The following VTI1A variants were observed in gnomAD, a reference collection of about 807,000 sequenced individuals.
The protein encoded by VTI1A is vesicle transport through interaction with t-SNAREs 1A, also known as vesicle transport through interaction with t-SNAREs homolog 1A.
A neutral mutation model predicts 34.9 loss-of-function variants in VTI1A; 22 were observed. That is an observed-to-expected ratio of 0.63 (90% CI 0.45 to 0.90). VTI1A has a LOEUF of 0.90. VTI1A is among the 40% of genes least tolerant of loss of function. VTI1A has a pLI of 0.00. For missense variants in VTI1A, 268 were observed against 275.6 expected, an observed-to-expected ratio of 0.97 and a Z score of 0.20; for synonymous variants, 87 against 97.3, an observed-to-expected ratio of 0.89 and a Z score of 0.62.
At chr10:112,530,563 A>G (rs1211606669) in intron 4 of VTI1A, among the ~76,000 whole-genome samples, 1 of 152,200 alleles carries the variant, frequency 6.6e-6, no homozygotes, top group Non-Finnish European at 1.5e-5. Context: ...ATGCAGAATT[A>G]TATTGATCAG....
At chr10:112,833,574 A>G in the VTI1A span, among the ~76,000 whole-genome samples, 2 of 152,276 alleles carry the variant, frequency 1.3e-5, no homozygotes, top group Admixed American at 6.5e-5. Flanking sequence ...ATGATACTCT[A>G]TGATCTCTAC....
chr10:112,750,473 C>T (rs78444351), intron 7 of VTI1A, among the ~76,000 whole-genome samples: 3,783 of 152,232 alleles, frequency 0.025, 78 homozygotes, highest in Non-Finnish European at 0.039. Flanking sequence ...TCTTCAGCCT[C>T]CCAAAGTGCT....
At chr10:112,471,682 T>TA (rs937285020) in intron 3 of VTI1A, among the ~76,000 whole-genome samples, 10 of 150,314 alleles carry the variant, frequency 6.7e-5, no homozygotes, top group African/African-American at 1.9e-4. Context: ...AAACAACTTT[T>TA]AAAAAAAAAA....
chr10:112,638,696 A>G (rs1396054540), intron 5 of VTI1A, among the ~76,000 whole-genome samples: 1 of 150,310 alleles, frequency 6.7e-6, no homozygotes, highest in African/African-American at 2.4e-5. Flanking sequence ...GCACAAATGT[A>G]TTTCACCCAA....
intron 7 of VTI1A, among the ~76,000 whole-genome samples, chr10:112,688,254 A>G (rs1250394447): frequency 6.6e-6 from 1 of 151,806 alleles, no homozygotes; most frequent in Non-Finnish European, 1.5e-5. Flanking sequence ...ATGCCTGGCC[A>G]AGTCTTTTTC....
the VTI1A span, among the ~76,000 whole-genome samples, chr10:112,830,849 A>ATATATATATATATATTTTTT: frequency 2.4e-4 from 8 of 33,492 alleles, no homozygotes; most frequent in Non-Finnish European, 3.9e-4. Flanking sequence ...ATATATATAT[A>ATATATATATATATATTTTTT]TTTTTTTTTT....
intron 5 of VTI1A, among the ~76,000 whole-genome samples, chr10:112,540,689 C>T (rs1850832279): frequency 1.3e-5 from 2 of 152,154 alleles, no homozygotes; most frequent in African/African-American, 4.8e-5. Flanking sequence ...TTCCTGCTTC[C>T]CTACTGGTCC....
intron 7 of VTI1A, among the ~76,000 whole-genome samples, chr10:112,725,970 A>C (rs1564900882): frequency 6.6e-6 from 1 of 152,206 alleles, no homozygotes; most frequent in Non-Finnish European, 1.5e-5. Context: ...CCAAACCTGG[A>C]AGCAACTATT....
the VTI1A span, among the ~76,000 whole-genome samples, chr10:112,853,073 C>T: frequency 6.6e-5 from 10 of 152,158 alleles, no homozygotes; most frequent in South Asian, 2.1e-4. Context: ...CATGAGCCAC[C>T]GCGCCCGGCC....
chr10:112,620,598 C>T (rs1477606180), intron 5 of VTI1A, among the ~76,000 whole-genome samples: 2 of 152,038 alleles, frequency 1.3e-5, no homozygotes, highest in African/African-American at 2.4e-5. Flanking sequence ...CGAGACCAGC[C>T]TGACCAACAA....
chr10:112,716,739 T>G (rs1849625821), intron 7 of VTI1A, among the ~76,000 whole-genome samples: 1 of 152,210 alleles, frequency 6.6e-6, no homozygotes. Context: ...TTCTGATTTT[T>G]GGATTAGAGA....
At chr10:112,762,785 C>T (rs1186101377) in intron 7 of VTI1A, among the ~76,000 whole-genome samples, 2 of 152,166 alleles carry the variant, frequency 1.3e-5, no homozygotes, top group Non-Finnish European at 2.9e-5. Flanking sequence ...TACTTTCCCT[C>T]CCAGCTACTT....
At chr10:112,507,859 T>G (rs2134171259) in intron 3 of VTI1A, among the ~76,000 whole-genome samples, 1 of 152,314 alleles carries the variant, frequency 6.6e-6, no homozygotes, top group East Asian at 1.9e-4. Flanking sequence ...TTTGGCTGGT[T>G]TCTTCTTACT....
At chr10:112,831,575 GA>G in the VTI1A span, 1 of 152,164 alleles carries the variant, frequency 6.6e-6, no homozygotes, top group Non-Finnish European at 1.5e-5. Context: ...GTAGCACAAT[GA>G]ATTTGTACCC....
chr10:112,463,317 T>C (rs987248768), intron 2 of VTI1A, among the ~76,000 whole-genome samples: 2 of 152,228 alleles, frequency 1.3e-5, no homozygotes, highest in South Asian at 2.1e-4. Flanking sequence ...GCAATCATCG[T>C]TACTAGAGTT....
chr10:112,803,193 C>G (rs1285862870), intron 7 of VTI1A, among the ~76,000 whole-genome samples: 2 of 152,158 alleles, frequency 1.3e-5, no homozygotes, highest in Admixed American at 6.5e-5. Flanking sequence ...CTTAGCCTCC[C>G]AAGTAGCTGG....
intron 4 of VTI1A, among the ~76,000 whole-genome samples, chr10:112,530,100 T>TAAA (rs1850367286): frequency 6.6e-6 from 1 of 152,132 alleles, no homozygotes; most frequent in Admixed American, 6.6e-5. Flanking sequence ...ACAATACCCT[T>TAAA]TGCATTTAAT....
At chr10:112,458,487 G>T (rs1256352516) in intron 1 of VTI1A, among the ~76,000 whole-genome samples, 2 of 151,962 alleles carry the variant, frequency 1.3e-5, no homozygotes, top group African/African-American at 4.8e-5. Flanking sequence ...AATCCCAAAG[G>T]CTTATTTTTC....
At chr10:112,722,128 A>C (rs1370611876) in intron 7 of VTI1A, among the ~76,000 whole-genome samples, 1 of 152,226 alleles carries the variant, frequency 6.6e-6, no homozygotes, top group African/African-American at 2.4e-5. Flanking sequence ...TTTCTCTTTA[A>C]AAGAAAGTAA....
Sources: gnomAD v4.1 joint callset for allele counts (sites outside exome capture counted in the v4.1 genomes callset) on GRCh38, gnomAD v4.1.1 for gene constraint, MANE v1.5 for transcripts, NCBI Gene and HGNC (gene_info 2026-07-23, HGNC 2026-07-21) for gene names.